Variants in ZBTB38 observed in about 807,000 individuals in gnomAD.
ZBTB38 encodes zinc finger and BTB domain containing 38.
A neutral mutation model predicts 76.8 loss-of-function variants in ZBTB38; 20 were observed. That is an observed-to-expected ratio of 0.26 (90% confidence interval 0.18 to 0.38). ZBTB38 has a LOEUF of 0.38. Among genes scored for constraint, ZBTB38 ranks in the 10% least tolerant of loss-of-function variants. The probability of loss-of-function intolerance (pLI) is 1.00; values close to 1 mark genes in which losing one functional copy is unlikely to be tolerated. For synonymous variants in ZBTB38, 504 were observed against 544.2 expected (o/e 0.93, Z 1.03); for missense variants, 1,082 against 1,482.3 (o/e 0.73, Z 4.43).
upstream of ZBTB38, chr3:141,366,601 A>G (rs531052413): frequency 1.3e-5 from 2 of 152,364 alleles, no homozygotes; most frequent in East Asian, 1.9e-4. Context: ...GCAATTCCTC[A>G]GAGTGGCAAC....
chr3:141,342,682 G>A (rs1432118905), intron 1 of ZBTB38, among the ~76,000 whole-genome samples: 1 of 148,214 alleles, frequency 6.7e-6, no homozygotes, highest in Non-Finnish European at 1.5e-5. Context: ...AAGAAGTTTA[G>A]CCCGAAATAA....
rs529632973 is a variant in ZBTB38, at chr3:141,439,527, G to A, written c.1-2862G>A. On this transcript the variant is annotated intron_variant, in intron 5 of 5. Transcript: ENST00000321464. ...GCTAACCATCCTAGTTGAACAATCT[G>A]AGAGAAGAATCAGAACCCCACAGAA... is the stretch of plus-strand genomic sequence containing the variant. Among the ~76,000 whole-genome samples the A allele has an allele frequency of 3.2e-4, 49 of 152,340 alleles. No homozygotes were observed. In the South Asian group the frequency reaches 6.4e-3, roughly 20 times the overall value.
intron 1 of ZBTB38, among the ~76,000 whole-genome samples, chr3:141,334,421 C>T (rs939625663): frequency 7.9e-6 from 1 of 126,142 alleles, no homozygotes; most frequent in East Asian, 2.0e-4. Flanking sequence ...TCCTTCCTTC[C>T]TTCCTTCCTT....
chr3:141,330,608 G>T (rs1942818505), intron 1 of ZBTB38, among the ~76,000 whole-genome samples: 1 of 152,178 alleles, frequency 6.6e-6, no homozygotes, highest in Non-Finnish European at 1.5e-5. Context: ...TTCTGTTCTT[G>T]CCACCCTGCC....
intron 5 of ZBTB38, among the ~76,000 whole-genome samples, chr3:141,441,290 A>G (rs1039795999): frequency 6.6e-6 from 1 of 152,148 alleles, no homozygotes; most frequent in Non-Finnish European, 1.5e-5. Flanking sequence ...ACAGAGAAGA[A>G]TGGAGATGGG....
chr3:141,329,532 C>T (rs934997525), intron 1 of ZBTB38, among the ~76,000 whole-genome samples: 1 of 152,110 alleles, frequency 6.6e-6, no homozygotes, highest in Non-Finnish European at 1.5e-5. Flanking sequence ...TTAATTTTAA[C>T]AATCAACGTA....
intron 1 of ZBTB38, among the ~76,000 whole-genome samples, chr3:141,339,370 AGTATG>A (rs2148900373): frequency 6.6e-6 from 1 of 152,340 alleles, no homozygotes; most frequent in South Asian, 2.1e-4. Flanking sequence ...ACAGAAGAGT[AGTATG>A]ATCTTGTTTA....
chr3:141,379,108 A>G (rs541818776), intron 2 of ZBTB38, among the ~76,000 whole-genome samples: 3 of 152,338 alleles, frequency 2.0e-5, no homozygotes, highest in East Asian at 3.9e-4. Flanking sequence ...TGAATGCTAC[A>G]GAGTGAGATG....
intron 4 of ZBTB38, chr3:141,388,956 C>T (rs921594602): frequency 4.6e-5 from 7 of 152,226 alleles, no homozygotes; most frequent in East Asian, 1.9e-4. Context: ...AGTTCACCAG[C>T]GCCACTGAAA....
At chr3:141,429,430 C>T (rs968401645) in intron 5 of ZBTB38, among the ~76,000 whole-genome samples, 11 of 152,070 alleles carry the variant, frequency 7.2e-5, no homozygotes, top group Non-Finnish European at 1.3e-4. Flanking sequence ...GTGCAGGAGA[C>T]AGCAGCAGGT....
At chr3:141,381,106 G>A (rs1946140168) in intron 2 of ZBTB38, among the ~76,000 whole-genome samples, 2 of 152,096 alleles carry the variant, frequency 1.3e-5, no homozygotes, top group African/African-American at 4.8e-5. Context: ...CTCTCCATCT[G>A]GTGCGTGACA....
At chr3:141,343,019 A>G (rs921588385) in intron 1 of ZBTB38, among the ~76,000 whole-genome samples, 1 of 152,160 alleles carries the variant, frequency 6.6e-6, no homozygotes, top group Non-Finnish European at 1.5e-5. Context: ...CTGCAAGTCT[A>G]TATGTTTATG....
At chr3:141,342,671 C>G (rs1302345850) in intron 1 of ZBTB38, among the ~76,000 whole-genome samples, 1 of 147,298 alleles carries the variant, frequency 6.8e-6, no homozygotes, top group Non-Finnish European at 1.5e-5. Flanking sequence ...AACCCTCGTG[C>G]AAGAAGTTTA....
At chr3:141,357,026 A>G (rs1943682345) in intron 1 of ZBTB38, among the ~76,000 whole-genome samples, 1 of 152,222 alleles carries the variant, frequency 6.6e-6, no homozygotes. Context: ...TAAATTATAT[A>G]GAACCAATTT....
At position 141,444,157 on chromosome 3, in the gene ZBTB38, G is replaced by A. The variant is rs767199699; in HGVS notation, c.1769G>A (p.Arg590Gln). ...SYRNSSYENA[R>Q]ENSQMNESAP... ...CGAAATTCTTCCTATGAAAATGCAC[G>A]AGAAAACAGTCAAATGAATGAGTCT... is the stretch of plus-strand genomic sequence containing the variant. The change falls in exon 6 of 6, where the codon CGA (arginine) becomes CAA (glutamine). Residue 590 changes from arginine (R) to glutamine (Q), a missense_variant. Physicochemically the swap from Arg to Gln is conservative, Grantham distance 43. Transcript: ENST00000321464. This position sits in a 1 kb window ranked among gnomAD's most constrained non-coding sequence, Gnocchi z 5.1. The A allele has an allele frequency of 2.5e-5, 40 of 1,613,894 alleles. No homozygotes were observed. The highest frequency in any genetic ancestry group is 5.5e-5 in the South Asian group (5 of 91,084).
In ZBTB38 at chr3:141,444,068, C is replaced by G; in HGVS notation, c.1680C>G (p.Val560=). 6.2e-7 allele frequency: 1 copy of G among 1,614,094 alleles called. No homozygotes were observed. Among genetic ancestry groups the G allele is most frequent in the Non-Finnish European group, 8.5e-7 (1 of 1,180,020 alleles). The part of the protein sequence containing the change: ...KTANGGLKPS[V]YPYKLYRLLP... Reference sequence around the variant, plus strand: ...CAAATGGAGGCTTGAAGCCTAGTGTCTATCCGTATAAACTTTATAGGCTAC... The same window carrying G: ...CAAATGGAGGCTTGAAGCCTAGTGTGTATCCGTATAAACTTTATAGGCTAC... Residue 560 remains valine, a synonymous_variant, in exon 6 of 6, where the codon GTC becomes GTG. Coordinates refer to ENST00000321464, the MANE Select transcript of ZBTB38 (RefSeq NM_001376113.1). This position sits in a 1 kb window ranked among gnomAD's most constrained non-coding sequence, Gnocchi z 5.1.
intron 4 of ZBTB38, among the ~76,000 whole-genome samples, chr3:141,397,043 TTCTCC>T (rs1043566758): frequency 1.1e-4 from 16 of 152,336 alleles, no homozygotes; most frequent in African/African-American, 3.8e-4. Context: ...AGGCATTGAT[TTCTCC>T]TCTCTATTTA....
chr3:141,332,487 C>T (rs1474667530), intron 1 of ZBTB38, among the ~76,000 whole-genome samples: 2 of 152,220 alleles, frequency 1.3e-5, no homozygotes, highest in Non-Finnish European at 2.9e-5. Context: ...CCTAGCTGCA[C>T]CTCCAAACTT....
chr3:141,423,298 G>T (rs2075781083), intron 5 of ZBTB38, among the ~76,000 whole-genome samples: 1 of 152,202 alleles, frequency 6.6e-6, no homozygotes, highest in South Asian at 2.1e-4. Flanking sequence ...GAGAAAAAAA[G>T]CTGTAGTTAT....
Sources: gnomAD v4.1 joint callset for allele counts (sites outside exome capture counted in the v4.1 genomes callset) on GRCh38, gnomAD v4.1.1 for gene constraint, Gnocchi (gnomAD v3.1) non-coding constraint, MANE v1.5 for transcripts, NCBI Gene and HGNC (gene_info 2026-07-23, HGNC 2026-07-21) for gene names.